POU2F3: variants seen among roughly 807,000 people sequenced by gnomAD.
The protein encoded by POU2F3 is POU domain, class 2, transcription factor 3.
In POU2F3, 23 loss-of-function variants were observed where a neutral mutation model predicts 59.2. That is an observed-to-expected ratio of 0.39 (90% CI 0.28 to 0.55). The LOEUF (loss-of-function observed/expected upper bound fraction) is 0.55, where lower values mean the gene tolerates loss of function less well. Ranked by LOEUF, POU2F3 falls within the 20% of genes least tolerant of loss-of-function variation. POU2F3 has a pLI of 0.66. For missense variants in POU2F3, 473 were observed against 544.5 expected (o/e 0.87, Z 1.31); for synonymous variants, 190 against 214.6 (o/e 0.89, Z 1.00).
At chr11:120,240,619 C>T (rs1363749685) in intron 1 of POU2F3, among the ~76,000 whole-genome samples, 2 of 151,994 alleles carry the variant, frequency 1.3e-5, no homozygotes, top group Admixed American at 6.5e-5. Context: ...GGCTTCGAAG[C>T]CCCCGGTCTG....
chr11:120,258,416 C>T (rs1047998139), intron 2 of POU2F3, among the ~76,000 whole-genome samples: 4 of 152,082 alleles, frequency 2.6e-5, no homozygotes, highest in Admixed American at 6.5e-5. Context: ...AGATTTTGTC[C>T]CTGAGTTGCC....
In POU2F3 at chr11:120,318,781, A is replaced by G. The variant is rs1941851078; in HGVS notation, c.*389A>G. 4.7e-6 allele frequency: 1 copy of G among 211,364 alleles called. No individual in the cohort carries two copies. The highest frequency in any genetic ancestry group is 2.3e-5 in the African/African-American group (1 of 42,970). 13.1% of individuals were successfully genotyped at this position (211,364 alleles called of 1,614,324 possible). On this transcript the variant is annotated 3_prime_UTR_variant, in exon 13 of 13. Transcript: ENST00000543440. ...GGGACAGCCATTTGGCTGGGGTGCC[A>G]AACACCAGAAGGGGAGATAATAGTT...
chr11:120,238,293 C>CGGGAG (rs1430084771), upstream of POU2F3, among the ~76,000 whole-genome samples: 1 of 152,028 alleles, frequency 6.6e-6, no homozygotes, highest in Non-Finnish European at 1.5e-5. Flanking sequence ...CCCTTCTTTT[C>CGGGAG]GGGAGCGTGG....
intron 3 of POU2F3, among the ~76,000 whole-genome samples, chr11:120,274,842 T>C (rs1457282163): frequency 6.6e-6 from 1 of 152,002 alleles, no homozygotes; most frequent in Non-Finnish European, 1.5e-5. Context: ...TGGATGTCTA[T>C]AGATGAAACT....
chr11:120,317,090 G>T, intron 11 of POU2F3, 139 bp from the exon 12 acceptor site: 1 of 946,158 alleles, frequency 1.1e-6, no homozygotes, highest in Admixed American at 1.9e-5. Context: ...GCAGGAGGTA[G>T]TCAGGTGGGT....
At chr11:120,287,173 A>G (rs1008244200) in intron 3 of POU2F3, among the ~76,000 whole-genome samples, 1 of 152,218 alleles carries the variant, frequency 6.6e-6, no homozygotes, top group African/African-American at 2.4e-5. Context: ...TATAAGTCAC[A>G]TGATATGGTG....
At chr11:120,310,020 G>A (rs891912590) in intron 10 of POU2F3, among the ~76,000 whole-genome samples, 3 of 152,242 alleles carry the variant, frequency 2.0e-5, no homozygotes, top group African/African-American at 7.2e-5. Flanking sequence ...GATCTTGGAG[G>A]ACATTGAAAG....
intron 6 of POU2F3, chr11:120,303,202 C>CTGAAGGCTGG (rs142559837): frequency 1.3e-5 from 2 of 152,138 alleles, no homozygotes; most frequent in Non-Finnish European, 2.9e-5. Flanking sequence ...AGGGGAAGCT[C>CTGAAGGCTGG]GCCATCTAGT....
At chr11:120,287,379 G>A (rs1431946045) in intron 3 of POU2F3, among the ~76,000 whole-genome samples, 3 of 152,198 alleles carry the variant, frequency 2.0e-5, no homozygotes, top group African/African-American at 7.2e-5. Flanking sequence ...GCACTGTGCT[G>A]GGCAGGCCAT....
Position 120,318,527 on chromosome 11 carries a change from G to T in POU2F3, c.*135G>T, listed in dbSNP as rs1405154416. On this transcript the variant is annotated 3_prime_UTR_variant, in exon 13 of 13. Transcript: ENST00000543440. Reference sequence around the variant, plus strand: ...CCACTATCAATGAACCCAGACTCTTGTCTTCTTCAAGAGCAAGGGCCTCCG... The same window carrying T: ...CCACTATCAATGAACCCAGACTCTTTTCTTCTTCAAGAGCAAGGGCCTCCG... The T allele has an allele frequency of 9.9e-6, 9 of 911,998 alleles. No homozygotes were observed. The highest frequency in any genetic ancestry group is 1.6e-5 in the Non-Finnish European group (9 of 580,252). The allele number at this position is 911,998 out of a possible 1,614,324, so 56.5% of individuals were successfully genotyped here.
chr11:120,308,054 G>C (rs1404846943), intron 9 of POU2F3, among the ~76,000 whole-genome samples: 5 of 152,062 alleles, frequency 3.3e-5, no homozygotes, highest in African/African-American at 1.2e-4. Context: ...TAAGTGCAGG[G>C]AAGTAGAAAG....
At chr11:120,306,824 A>G (rs1941506105) in intron 8 of POU2F3, among the ~76,000 whole-genome samples, 1 of 152,166 alleles carries the variant, frequency 6.6e-6, no homozygotes, top group Admixed American at 6.5e-5. Flanking sequence ...GCTGTCCCTT[A>G]GACAGCCTTT....
intron 3 of POU2F3, among the ~76,000 whole-genome samples, chr11:120,292,336 C>A (rs1158805020): frequency 1.3e-5 from 2 of 151,236 alleles, no homozygotes; most frequent in Admixed American, 1.3e-4. Flanking sequence ...TGATAAGCAG[C>A]CCAGGGATAT....
At chr11:120,317,188 A>G (rs373213526) in intron 11 of POU2F3, 41 bp from the exon 12 acceptor site, 14 of 1,610,766 alleles carry the variant, frequency 8.7e-6, no homozygotes, top group Non-Finnish European at 1.2e-5. Flanking sequence ...GGGATCCAGC[A>G]GCATTATTTC....
chr11:120,318,338 C>T lies in POU2F3; in HGVS notation c.1272-15C>T, dbSNP rs767820601. 1 of 1,598,808 alleles carries T rather than the reference C, an allele frequency of 6.3e-7. No homozygotes were observed. The highest frequency in any genetic ancestry group is 1.1e-5 in the South Asian group (1 of 90,742). ...ACATTATTAGCTTTAGGATTGACTT[C>T]TTTCTTCCTTCCAGATCTTGGTACC... On this transcript the variant is annotated splice_polypyrimidine_tract_variant and intron_variant, in intron 12 of 12. Transcript: ENST00000543440.
chr11:120,307,638 C>T, intron 9 of POU2F3, 23 bp downstream of exon 9: 2 of 1,612,694 alleles, frequency 1.2e-6, no homozygotes, highest in Non-Finnish European at 1.7e-6. Context: ...TTCGGGTGGG[C>T]ACGGGTGGGC....
chr11:120,304,888 C>T (rs1366099497), intron 6 of POU2F3, 142 bp from the exon 7 acceptor site: 2 of 575,706 alleles, frequency 3.5e-6, no homozygotes, highest in East Asian at 2.8e-5. Context: ...TATAAGACTC[C>T]AATGTACCCA....
intron 2 of POU2F3, among the ~76,000 whole-genome samples, chr11:120,254,637 CAG>C (rs1434490582): frequency 6.6e-6 from 1 of 152,160 alleles, no homozygotes; most frequent in Non-Finnish European, 1.5e-5. Flanking sequence ...GGAAGAGGGC[CAG>C]AGTCAAGCTG....
chr11:120,260,013 C>T (rs139484143), intron 2 of POU2F3, among the ~76,000 whole-genome samples: 51 of 152,368 alleles, frequency 3.3e-4, no homozygotes, highest in African/African-American at 1.2e-3. Flanking sequence ...TTAATGGTTG[C>T]TCTCCCAGGA....
Sources: gnomAD v4.1 joint callset for allele counts (sites outside exome capture counted in the v4.1 genomes callset) on GRCh38, gnomAD v4.1.1 for gene constraint, MANE v1.5 for transcripts, NCBI Gene and HGNC (gene_info 2026-07-23, HGNC 2026-07-21) for gene names.